Variants in SHANK2 observed in about 807,000 individuals in gnomAD.
The protein encoded by SHANK2 is SH3 and multiple ankyrin repeat domains 2.
Under a neutral mutation model 133.7 loss-of-function variants are expected in SHANK2, and 43 were observed. That is an observed-to-expected ratio of 0.32 (90% CI 0.25 to 0.41). The LOEUF (loss-of-function observed/expected upper bound fraction) is 0.41. SHANK2 is among the 10% of genes least tolerant of loss of function. SHANK2 has a pLI of 1.00. For missense variants in SHANK2, 1,994 were observed against 2,235.8 expected, an observed-to-expected ratio of 0.89 and a Z score of 2.18; for synonymous variants, 1,017 against 952.8, an observed-to-expected ratio of 1.07 and a Z score of -1.24.
chr11:70,676,444 C>T (rs532276975), intron 15 of SHANK2, among the ~76,000 whole-genome samples: 43 of 152,286 alleles, frequency 2.8e-4, no homozygotes, highest in African/African-American at 8.4e-4. Flanking sequence ...CTGAGTAGGA[C>T]GTGCTATGGG....
chr11:71,160,766 T>C (rs1447827263), intron 2 of SHANK2, among the ~76,000 whole-genome samples: 1 of 152,222 alleles, frequency 6.6e-6, no homozygotes, highest in Non-Finnish European at 1.5e-5. Context: ...CTCCAACGTA[T>C]GCCATTTTGT....
intron 14 of SHANK2, among the ~76,000 whole-genome samples, chr11:70,780,368 G>A (rs1164348906): frequency 2.6e-5 from 4 of 152,080 alleles, no homozygotes; most frequent in Admixed American, 6.5e-5. Flanking sequence ...CCAGGCATTC[G>A]ATCCCCAGTA....
At position 71,199,837 on chromosome 11, in the gene SHANK2, CG is replaced by C. The variant is rs1433810851; in HGVS notation, c.-13+24859del. ...AGCCGTGAGCTGCTGGGGACAGAGT[CG>C]GGGGTATTAAGGATTCAAGGAGACA... On this transcript the variant is annotated intron_variant, in intron 2 of 25. Transcript: ENST00000601538. Among the ~76,000 whole-genome samples, 8 of 152,214 alleles carry C rather than the reference CG, an allele frequency of 5.3e-5. No homozygotes were observed. In the East Asian group the frequency reaches 1.5e-3, roughly 29 times the overall value.
chr11:70,925,321 G>A (rs1950411833), intron 10 of SHANK2, among the ~76,000 whole-genome samples: 1 of 152,228 alleles, frequency 6.6e-6, no homozygotes, highest in East Asian at 1.9e-4. Context: ...TATTAAAGAT[G>A]ACCCGCCAAA....
At chr11:70,826,065 C>G (rs925591837) in intron 11 of SHANK2, among the ~76,000 whole-genome samples, 23 of 152,364 alleles carry the variant, frequency 1.5e-4, no homozygotes, top group African/African-American at 5.5e-4. Context: ...GGTAGCCACC[C>G]ATTTGGTGCA....
At chr11:70,799,161 G>A (rs1410858916) in intron 13 of SHANK2, among the ~76,000 whole-genome samples, 2 of 152,164 alleles carry the variant, frequency 1.3e-5, no homozygotes, top group East Asian at 1.9e-4. Context: ...ACTTTGGGGG[G>A]CCGAGGGGAG....
intron 10 of SHANK2, among the ~76,000 whole-genome samples, chr11:70,908,400 G>T (rs887379629): frequency 6.6e-6 from 1 of 152,214 alleles, no homozygotes; most frequent in African/African-American, 2.4e-5. Flanking sequence ...CCTCAGGACA[G>T]TGCTCCACAT....
At chr11:70,599,605 CAAAAAAAAAAAAAAAAAAAA>C (rs1160187418) in intron 17 of SHANK2, among the ~76,000 whole-genome samples, 4 of 30,318 alleles carry the variant, frequency 1.3e-4, no homozygotes, top group Non-Finnish European at 1.6e-4. Context: ...GACTCCGTCT[CAAAAAAAAAAAAAAAAAAAA>C]AAAAAAAAAA....
At chr11:71,073,147 C>CTTTTCTTTT (rs1951166965) in intron 9 of SHANK2, among the ~76,000 whole-genome samples, 1 of 62,716 alleles carries the variant, frequency 1.6e-5, no homozygotes, top group African/African-American at 4.2e-5. Flanking sequence ...TTTTTCTTTT[C>CTTTTCTTTT]TTTTTTTTCT....
chr11:70,607,303 G>A (rs782673627), intron 17 of SHANK2, among the ~76,000 whole-genome samples: 5 of 152,282 alleles, frequency 3.3e-5, no homozygotes, highest in Middle Eastern at 3.4e-3. Flanking sequence ...CCCAGCCTCC[G>A]TGGAAGGTCA....
chr11:70,661,461 C>A, intron 16 of SHANK2, 135 bp downstream of exon 16: 1 of 930,798 alleles, frequency 1.1e-6, no homozygotes, highest in Non-Finnish European at 1.7e-6. Flanking sequence ...TTATTTAATG[C>A]TTATTCCTGA....
intron 17 of SHANK2, among the ~76,000 whole-genome samples, chr11:70,552,211 G>C (rs562246573): frequency 1.3e-5 from 2 of 152,282 alleles, no homozygotes; most frequent in South Asian, 4.1e-4. Flanking sequence ...GCATTTCCCA[G>C]GTACAGCCAG....
chr11:71,161,595 A>G (rs1178599264), intron 2 of SHANK2, among the ~76,000 whole-genome samples: 6 of 152,200 alleles, frequency 3.9e-5, no homozygotes, highest in Non-Finnish European at 7.3e-5. Context: ...TCTTTACATA[A>G]TAACAACTCT....
intron 10 of SHANK2, among the ~76,000 whole-genome samples, chr11:70,954,611 C>A (rs1555087367): frequency 6.6e-6 from 1 of 152,212 alleles, no homozygotes; most frequent in Non-Finnish European, 1.5e-5. Flanking sequence ...CCAGTGAATG[C>A]ACTGGGGACA....
Position 70,486,803 on chromosome 11 carries a change from T to A in SHANK2, c.3490A>T (p.Ser1164Cys). 3.1e-6 allele frequency: 5 copies of A among 1,612,370 alleles called. No individual in the cohort carries two copies. The highest frequency in any genetic ancestry group is 4.2e-6 in the Non-Finnish European group (5 of 1,179,934). ...ENHFVGGAEA[S>C]APGEAGRPLN... is the part of the protein sequence containing the mutation. ...GGCCTCCCAGCCTCACCCGGAGCAC[T>A]GGCCTCGGCGCCACCCACGAAATGG... The change falls in exon 25 of 26, where the codon AGT becomes TGT. Residue 1164 changes from serine to cysteine, a missense_variant. By Grantham distance (112) the Ser-to-Cys change is moderately radical. Around this residue, in one of 5 missense-constraint regions of SHANK2, gnomAD observed 797 missense variants for 907.4 expected, o/e 0.88. Coordinates refer to ENST00000601538, the MANE Select transcript of SHANK2 (RefSeq NM_012309.5). This position sits in a 1 kb window ranked among gnomAD's most constrained non-coding sequence, Gnocchi z 8.0.
rs1332600969 is a variant in SHANK2 at position 70,471,283 on chromosome 11, C to A, written c.*1586G>T. The A allele has an allele frequency of 2.5e-6, 1 of 398,720 alleles. No individual in the cohort carries two copies. The highest frequency in any genetic ancestry group is 1.3e-4 in the South Asian group (1 of 7,848). 24.7% of individuals were successfully genotyped at this position (398,720 alleles called of 1,614,324 possible). A position where few individuals can be genotyped will look rare whatever the true frequency, so the allele number is the denominator to read the frequency against. On this transcript the variant is annotated 3_prime_UTR_variant, in exon 26 of 26. Transcript: ENST00000601538. This position sits in a 1 kb window ranked among gnomAD's most constrained non-coding sequence, Gnocchi z 4.1. ...AAAAAGGAAAAAAAAAAAACAAAAC[C>A]ATGTTTTATAATTAGAGATGGGCTG...
At chr11:71,252,918 T>C (rs1358910571), upstream of SHANK2, among the ~76,000 whole-genome samples, 3 of 152,248 alleles carry the variant, frequency 2.0e-5, no homozygotes, top group African/African-American at 2.4e-5. This position sits in a 1 kb window ranked among gnomAD's most constrained non-coding sequence, Gnocchi z 6.3. Context: ...CGGTTCGGTC[T>C]GCACGGTTAT....
intron 3 of SHANK2, among the ~76,000 whole-genome samples, chr11:71,138,956 G>T (rs370061092): frequency 6.6e-5 from 10 of 152,312 alleles, no homozygotes; most frequent in African/African-American, 2.4e-4. Context: ...GCATGGCAAA[G>T]GTAGTGGGGA....
intron 3 of SHANK2, among the ~76,000 whole-genome samples, chr11:71,135,527 C>T (rs182535814): frequency 6.8e-6 from 1 of 147,622 alleles, no homozygotes; most frequent in East Asian, 2.0e-4. Flanking sequence ...ACTTTTGTCA[C>T]CCAGGCTGGA....
Sources: allele counts gnomAD v4.1 joint callset (sites outside exome capture counted in the v4.1 genomes callset), GRCh38; gene constraint gnomAD v4.1.1; regional missense constraint gnomAD v4.1.1; non-coding constraint Gnocchi (gnomAD v3.1); transcripts MANE v1.5; gene names NCBI Gene and HGNC (gene_info 2026-07-23, HGNC 2026-07-21).